NLGN1: variants seen among roughly 807,000 people sequenced by gnomAD.
The protein encoded by NLGN1 is neuroligin 1, also known as neuroligin-1.
A neutral mutation model predicts 65.5 loss-of-function variants in NLGN1; 12 were observed. The observed-to-expected ratio is 0.18, with a 90% CI of 0.12 to 0.30. The LOEUF (loss-of-function observed/expected upper bound fraction) is 0.30. Ranked by LOEUF, NLGN1 falls within the 10% of genes least tolerant of loss-of-function variation. The probability of loss-of-function intolerance (pLI) is 1.00; values close to 1 mark genes in which losing one functional copy is unlikely to be tolerated. For synonymous variants in NLGN1, 350 were observed against 359.5 expected, an observed-to-expected ratio of 0.97 and a Z score of 0.30; for missense variants, 750 against 1,007.1, an observed-to-expected ratio of 0.74 and a Z score of 3.46.
intron 3 of NLGN1, among the ~76,000 whole-genome samples, chr3:173,608,059 A>G (rs1287781885): frequency 1.3e-5 from 2 of 151,868 alleles, no homozygotes; most frequent in Non-Finnish European, 2.9e-5. Context: ...ACTTATAATC[A>G]AACAACTTTA....
intron 2 of NLGN1, among the ~76,000 whole-genome samples, chr3:173,437,082 C>T (rs1718276188): frequency 1.3e-5 from 2 of 152,160 alleles, no homozygotes; most frequent in Non-Finnish European, 2.9e-5. Flanking sequence ...AGAAGCACTA[C>T]ATAAAACATT....
chr3:173,912,707 GA>G (rs1431239126), intron 4 of NLGN1: 2 of 152,010 alleles, frequency 1.3e-5, no homozygotes, highest in Non-Finnish European at 2.9e-5. Context: ...AAATTTTGAT[GA>G]AAAAACGTGA....
chr3:173,468,655 C>T (rs1463289103), intron 2 of NLGN1, among the ~76,000 whole-genome samples: 2 of 151,970 alleles, frequency 1.3e-5, no homozygotes, highest in Non-Finnish European at 2.9e-5. Flanking sequence ...TATTTGAATT[C>T]AACGTTTTCC....
At chr3:173,597,068 G>A (rs1749605220) in intron 2 of NLGN1, among the ~76,000 whole-genome samples, 1 of 152,116 alleles carries the variant, frequency 6.6e-6, no homozygotes, top group Admixed American at 6.6e-5. Flanking sequence ...ACCCCGGCAA[G>A]CAGATGAGCA....
At chr3:173,827,580 C>G (rs1560448737) in intron 4 of NLGN1, among the ~76,000 whole-genome samples, 1 of 151,194 alleles carries the variant, frequency 6.6e-6, no homozygotes, top group Non-Finnish European at 1.5e-5. Flanking sequence ...AAAACAGAGA[C>G]AACACCTTAA....
chr3:173,582,807 A>G (rs978708275), intron 2 of NLGN1, among the ~76,000 whole-genome samples: 10 of 151,674 alleles, frequency 6.6e-5, no homozygotes, highest in Non-Finnish European at 1.2e-4. Context: ...TGGCTTTTTT[A>G]TGTTGTTTAG....
chr3:174,094,746 T>TAA (rs5854552), intron 4 of NLGN1, among the ~76,000 whole-genome samples: 4,822 of 88,658 alleles, frequency 0.054, 272 homozygotes, highest in African/African-American at 0.1. Context: ...TTGGCTCCGC[T>TAA]AAAAAAAAAA....
chr3:173,603,301 C>A (rs1195896311), intron 2 of NLGN1, among the ~76,000 whole-genome samples: 1 of 152,098 alleles, frequency 6.6e-6, no homozygotes, highest in Non-Finnish European at 1.5e-5. Context: ...TTACGTTGCA[C>A]TGAATGTTAT....
At chr3:173,994,491 A>T (rs74659311) in intron 4 of NLGN1, among the ~76,000 whole-genome samples, 1 of 81,206 alleles carries the variant, frequency 1.2e-5, no homozygotes, top group Non-Finnish European at 2.2e-5. Context: ...AAAAAAAAAA[A>T]AGAGAGAGAG....
At chr3:173,591,085 C>A (rs1363252120) in intron 2 of NLGN1, among the ~76,000 whole-genome samples, 1 of 152,046 alleles carries the variant, frequency 6.6e-6, no homozygotes, top group Non-Finnish European at 1.5e-5. Context: ...TACTTAAGAT[C>A]TTTTTCCATT....
chr3:173,554,771 G>T (rs879603186), intron 2 of NLGN1, among the ~76,000 whole-genome samples: 3 of 152,048 alleles, frequency 2.0e-5, no homozygotes, highest in Non-Finnish European at 4.4e-5. Context: ...GGAATTTCTG[G>T]TTTTTAGGGT....
intron 4 of NLGN1, among the ~76,000 whole-genome samples, chr3:173,819,277 A>G (rs917102038): frequency 6.6e-6 from 1 of 152,074 alleles, no homozygotes; most frequent in African/African-American, 2.4e-5. Context: ...ACCTAAATTC[A>G]TATGCCAATT....
intron 2 of NLGN1, among the ~76,000 whole-genome samples, chr3:173,549,089 C>T (rs1484938905): frequency 6.6e-6 from 1 of 151,836 alleles, no homozygotes; most frequent in East Asian, 1.9e-4. Flanking sequence ...AACATGTTTA[C>T]GCATTGGTTT....
intron 1 of NLGN1, among the ~76,000 whole-genome samples, chr3:173,421,729 C>T (rs900740805): frequency 1.3e-5 from 2 of 151,934 alleles, no homozygotes; most frequent in African/African-American, 4.8e-5. Context: ...CGTGTTGCCT[C>T]AGGCTGGTCT....
At chr3:173,918,311 C>A (rs987076141) in intron 4 of NLGN1, among the ~76,000 whole-genome samples, 1 of 152,040 alleles carries the variant, frequency 6.6e-6, no homozygotes, top group Non-Finnish European at 1.5e-5. Context: ...TGCTACACAT[C>A]TACAAAAGGT....
intron 3 of NLGN1, among the ~76,000 whole-genome samples, chr3:173,712,126 G>A (rs928312724): frequency 6.6e-6 from 1 of 152,118 alleles, no homozygotes; most frequent in Non-Finnish European, 1.5e-5. Context: ...TCATAATAAT[G>A]TATGGGGTAT....
At chr3:173,542,534 G>T (rs1185817841) in intron 2 of NLGN1, among the ~76,000 whole-genome samples, 1 of 151,948 alleles carries the variant, frequency 6.6e-6, no homozygotes, top group East Asian at 1.9e-4. Context: ...GTCTCTTTAT[G>T]GTAAACAGGC....
chr3:173,765,699 T>C (rs1435433998), intron 3 of NLGN1, among the ~76,000 whole-genome samples: 3 of 152,164 alleles, frequency 2.0e-5, no homozygotes, highest in Non-Finnish European at 4.4e-5. Flanking sequence ...GAATGACCAT[T>C]GCCACCATGC....
intron 4 of NLGN1, among the ~76,000 whole-genome samples, chr3:174,142,510 A>AT (rs1561143285): frequency 6.6e-6 from 1 of 152,106 alleles, no homozygotes; most frequent in Non-Finnish European, 1.5e-5. Context: ...TTCTAAATAA[A>AT]TTTTCTGGTT....
Sources: allele counts gnomAD v4.1 joint callset (sites outside exome capture counted in the v4.1 genomes callset), GRCh38; gene constraint gnomAD v4.1.1; transcripts MANE v1.5; gene names NCBI Gene and HGNC (gene_info 2026-07-23, HGNC 2026-07-21).